Variants in ATP8B4 observed in about 807,000 individuals in gnomAD.
ATP8B4 encodes probable phospholipid-transporting ATPase IM.
A neutral mutation model predicts 145.6 loss-of-function variants in ATP8B4; 133 were observed. That is an observed-to-expected ratio of 0.91 (90% CI 0.79 to 1.05). ATP8B4 has a LOEUF of 1.05. Among genes scored for constraint, ATP8B4 ranks in the 50% least tolerant of loss-of-function variants. The pLI is 0.00. For synonymous variants in ATP8B4, 507 were observed against 492.9 expected, an observed-to-expected ratio of 1.03 and a Z score of -0.38; for missense variants, 1,458 against 1,425.2, an observed-to-expected ratio of 1.02 and a Z score of -0.37.
At chr15:50,046,567 C>CA (rs2051739361) in intron 4 of ATP8B4, among the ~76,000 whole-genome samples, 1 of 152,178 alleles carries the variant, frequency 6.6e-6, no homozygotes, top group Non-Finnish European at 1.5e-5. Flanking sequence ...AATAGATATT[C>CA]AATTAAAGAG....
rs527825771 is a variant in ATP8B4, at chr15:50,054,815, A to C, written c.88-7351T>G. 9.3e-5 allele frequency among the ~76,000 whole-genome samples: 14 copies of C among 150,478 alleles called. 1 individual carries two copies. The highest frequency in any genetic ancestry group is 4.2e-4 in the South Asian group (2 of 4,802). On this transcript the variant is annotated intron_variant, in intron 3 of 27. Transcript: ENST00000284509. ...AAAAAAAAAAAAAAAAAAAACAAAA[A>C]AAAAAAAACACCAACCTCAGCACTT...
At chr15:50,174,485 T>C (rs2044733846) in intron 1 of ATP8B4, among the ~76,000 whole-genome samples, 1 of 151,676 alleles carries the variant, frequency 6.6e-6, no homozygotes, top group Non-Finnish European at 1.5e-5. Flanking sequence ...TCAGTAGCTC[T>C]TCTACATACC....
At chr15:50,009,153 C>T (rs1187177788) in intron 7 of ATP8B4, 1 of 151,988 alleles carries the variant, frequency 6.6e-6, no homozygotes, top group Non-Finnish European at 1.5e-5. Flanking sequence ...TGCCTGGAGC[C>T]CTTTCTTCTT....
rs959622073 is a variant in ATP8B4 at position 49,859,809 on chromosome 15, G to A, written c.*385C>T. Reference sequence around the variant, plus strand: ...GTCAATAGGCATGCTTTTCAGCTTGGATATATACCTTTAAAATGCACCCTT... The same window carrying A: ...GTCAATAGGCATGCTTTTCAGCTTGAATATATACCTTTAAAATGCACCCTT... On this transcript the variant is annotated 3_prime_UTR_variant, in exon 28 of 28. Transcript: ENST00000284509. 3.8e-5 allele frequency: 7 copies of A among 185,132 alleles called. No individual in the cohort carries two copies. Among genetic ancestry groups the A allele is most frequent in the African/African-American group, 1.7e-4 (7 of 42,092 alleles). 11.5% of individuals were successfully genotyped at this position (185,132 alleles called of 1,614,324 possible). A position where few individuals can be genotyped will look rare whatever the true frequency, so the allele number is the denominator to read the frequency against.
intron 5 of ATP8B4, among the ~76,000 whole-genome samples, chr15:50,040,714 C>A (rs1344565507): frequency 6.6e-6 from 1 of 152,194 alleles, no homozygotes; most frequent in Admixed American, 6.5e-5. Context: ...TACTTCTGCT[C>A]AGGTTTTACC....
At chr15:49,919,121 A>C (rs918872247) in intron 18 of ATP8B4, among the ~76,000 whole-genome samples, 171 bp from the exon 19 acceptor site, 3 of 152,158 alleles carry the variant, frequency 2.0e-5, no homozygotes, top group African/African-American at 7.2e-5. Flanking sequence ...ATTGGGAAGG[A>C]CTCCAGAAGG....
chr15:49,987,678 G>T, intron 9 of ATP8B4, 129 bp from the exon 10 acceptor site: 4 of 967,038 alleles, frequency 4.1e-6, no homozygotes, highest in African/African-American at 1.7e-5. Context: ...AAAGAATTGT[G>T]CTAGAAAAAA....
At chr15:49,868,315 T>G (rs891562808) in intron 25 of ATP8B4, among the ~76,000 whole-genome samples, 3 of 152,206 alleles carry the variant, frequency 2.0e-5, no homozygotes, top group Non-Finnish European at 4.4e-5. Flanking sequence ...AGAAAAAGAC[T>G]GACTCAAGGA....
chr15:49,867,571 T>C (rs2033010651), intron 25 of ATP8B4, among the ~76,000 whole-genome samples: 1 of 152,180 alleles, frequency 6.6e-6, no homozygotes, highest in African/African-American at 2.4e-5. Context: ...TCTCCAACTT[T>C]ACCTTCCACC....
intron 2 of ATP8B4, among the ~76,000 whole-genome samples, chr15:50,093,169 A>T (rs888890017): frequency 6.6e-6 from 1 of 151,992 alleles, no homozygotes; most frequent in Admixed American, 6.6e-5. Context: ...AAGTGATAGA[A>T]TTCATTACCA....
chr15:49,960,631 T>C (rs966860439), intron 14 of ATP8B4, among the ~76,000 whole-genome samples: 2 of 152,124 alleles, frequency 1.3e-5, no homozygotes, highest in African/African-American at 2.4e-5. Flanking sequence ...ACCTCAGTGA[T>C]GGAGGAAAAA....
At chr15:50,099,074 A>G (rs561067125) in intron 2 of ATP8B4, among the ~76,000 whole-genome samples, 1 of 152,248 alleles carries the variant, frequency 6.6e-6, no homozygotes, top group Admixed American at 6.5e-5. Context: ...CCTACACCCC[A>G]TAAACATACT....
chr15:49,877,872 A>G (rs2034730596), intron 24 of ATP8B4, among the ~76,000 whole-genome samples: 1 of 152,196 alleles, frequency 6.6e-6, no homozygotes, highest in East Asian at 1.9e-4. Context: ...AATAGCAATA[A>G]TGTAGCAACC....
chr15:50,068,616 T>G (rs1312372748), intron 3 of ATP8B4, among the ~76,000 whole-genome samples: 1 of 152,220 alleles, frequency 6.6e-6, no homozygotes, highest in Non-Finnish European at 1.5e-5. Context: ...CCTACCTTTG[T>G]GCATTAAATA....
intron 14 of ATP8B4, among the ~76,000 whole-genome samples, chr15:49,936,963 G>A (rs1479241453): frequency 4.7e-5 from 7 of 150,262 alleles, no homozygotes; most frequent in South Asian, 2.1e-4. Flanking sequence ...TTTTTTTCCT[G>A]TGTTCTCTCC....
At chr15:50,103,651 T>C (rs1377449107) in intron 2 of ATP8B4, among the ~76,000 whole-genome samples, 1 of 152,166 alleles carries the variant, frequency 6.6e-6, no homozygotes, top group East Asian at 1.9e-4. Flanking sequence ...AAAATGACTA[T>C]ACTGCCAAAA....
At chr15:49,908,493 G>A (rs1333347236) in intron 20 of ATP8B4, among the ~76,000 whole-genome samples, 1 of 151,178 alleles carries the variant, frequency 6.6e-6, no homozygotes, top group Non-Finnish European at 1.5e-5. Flanking sequence ...GATGCCCAGT[G>A]GTCCACAATC....
chr15:50,174,417 C>T (rs187832366), intron 1 of ATP8B4, among the ~76,000 whole-genome samples: 11 of 152,194 alleles, frequency 7.2e-5, no homozygotes, highest in Non-Finnish European at 1.5e-4. Context: ...CTAGAAAGCT[C>T]CTAGAACTGA....
intron 14 of ATP8B4, among the ~76,000 whole-genome samples, chr15:49,944,806 C>T (rs1266465885): frequency 6.6e-6 from 1 of 152,056 alleles, no homozygotes; most frequent in Non-Finnish European, 1.5e-5. Context: ...GAATAGATCA[C>T]ATGTTAGAGC....
Sources: gnomAD v4.1 joint callset for allele counts (sites outside exome capture counted in the v4.1 genomes callset) on GRCh38, gnomAD v4.1.1 for gene constraint, MANE v1.5 for transcripts, NCBI Gene and HGNC (gene_info 2026-07-23, HGNC 2026-07-21) for gene names.